TAFA5: variants seen among roughly 807,000 people sequenced by gnomAD.
The protein encoded by TAFA5 is TAFA chemokine like family member 5.
In TAFA5, 6 loss-of-function variants were observed where a neutral mutation model predicts 15.3. That is an observed-to-expected ratio of 0.39 (90% CI 0.21 to 0.77). The LOEUF is 0.77. TAFA5 is among the 30% of genes least tolerant of loss of function. The pLI is 0.41. For synonymous variants in TAFA5, 103 were observed against 80.7 expected (o/e 1.28, Z -1.48); for missense variants, 161 against 193.1 (o/e 0.83, Z 0.98).
intron 3 of TAFA5, among the ~76,000 whole-genome samples, chr22:48,732,297 C>A (rs993244046): frequency 1.4e-4 from 21 of 152,200 alleles, no homozygotes; most frequent in African/African-American, 5.1e-4. Flanking sequence ...GTCACCCAGG[C>A]TGGAGTGCAG....
chr22:48,695,517 G>A (rs1045091490), intron 2 of TAFA5, among the ~76,000 whole-genome samples: 1 of 152,172 alleles, frequency 6.6e-6, no homozygotes, highest in Admixed American at 6.5e-5. Flanking sequence ...TCGGGGCTTG[G>A]GTGTTGAGCT....
intron 2 of TAFA5, among the ~76,000 whole-genome samples, chr22:48,704,223 C>T (rs114209767): frequency 0.012 from 1,796 of 150,194 alleles, 26 homozygotes; most frequent in African/African-American, 0.028. Context: ...CACACACACA[C>T]GATGCTTTCT....
intron 1 of TAFA5, among the ~76,000 whole-genome samples, chr22:48,618,216 C>G (rs1311467381): frequency 6.6e-6 from 1 of 152,150 alleles, no homozygotes; most frequent in Non-Finnish European, 1.5e-5. Flanking sequence ...CTGGAAGTCT[C>G]TACACCTGCC....
intron 1 of TAFA5, among the ~76,000 whole-genome samples, chr22:48,531,955 C>T (rs565540046): frequency 3.3e-5 from 5 of 152,198 alleles, no homozygotes; most frequent in Admixed American, 2.0e-4. Flanking sequence ...CAGCACATGC[C>T]GGCACAGCTG....
chr22:48,666,906 T>C (rs1927636272), intron 2 of TAFA5, among the ~76,000 whole-genome samples: 1 of 152,042 alleles, frequency 6.6e-6, no homozygotes, highest in Non-Finnish European at 1.5e-5. Context: ...CCCATGGTGC[T>C]GAGTGGTTGG....
intron 1 of TAFA5, among the ~76,000 whole-genome samples, chr22:48,557,690 G>A (rs945120298): frequency 3.9e-5 from 6 of 152,218 alleles, no homozygotes; most frequent in Admixed American, 6.5e-5. Flanking sequence ...ACTCGCAGGT[G>A]GGAGGGCACC....
intron 3 of TAFA5, among the ~76,000 whole-genome samples, chr22:48,725,980 T>C (rs1364763895): frequency 6.6e-6 from 1 of 152,172 alleles, no homozygotes; most frequent in Admixed American, 6.5e-5. Flanking sequence ...TGGTGATATC[T>C]TTGAATTTCA....
At chr22:48,572,191 T>C (rs1923614842) in intron 1 of TAFA5, among the ~76,000 whole-genome samples, 1 of 152,258 alleles carries the variant, frequency 6.6e-6, no homozygotes, top group Non-Finnish European at 1.5e-5. Flanking sequence ...GCCTCTAGCT[T>C]TCTGCAAACA....
chr22:48,631,088 C>T (rs2075531588), intron 1 of TAFA5, among the ~76,000 whole-genome samples: 1 of 152,202 alleles, frequency 6.6e-6, no homozygotes, highest in South Asian at 2.1e-4. Flanking sequence ...TAAGGACGGA[C>T]CTCCTGGGCC....
At chr22:48,614,229 T>C (rs1439758935) in intron 1 of TAFA5, among the ~76,000 whole-genome samples, 1 of 152,114 alleles carries the variant, frequency 6.6e-6, no homozygotes, top group Non-Finnish European at 1.5e-5. Context: ...AACTCTTCAT[T>C]GTGAAAATTG....
chr22:48,703,799 G>A (rs796068580), intron 2 of TAFA5, among the ~76,000 whole-genome samples: 61 of 152,326 alleles, frequency 4.0e-4, no homozygotes, highest in African/African-American at 1.3e-3. Context: ...ACCTGCCCTC[G>A]GACACCACCC....
intron 2 of TAFA5, among the ~76,000 whole-genome samples, chr22:48,706,569 C>A (rs868519743): frequency 4.6e-5 from 7 of 152,190 alleles, no homozygotes; most frequent in Admixed American, 2.0e-4. Context: ...GCAAAGTTCT[C>A]CCTAATCTCC....
intron 1 of TAFA5, among the ~76,000 whole-genome samples, chr22:48,529,940 C>G (rs891397024): frequency 6.6e-5 from 10 of 152,074 alleles, no homozygotes; most frequent in Non-Finnish European, 1.3e-4. Flanking sequence ...TGGGACAACC[C>G]TTCTCCCTTC....
At chr22:48,670,342 C>T (rs981054914) in intron 2 of TAFA5, among the ~76,000 whole-genome samples, 1 of 152,228 alleles carries the variant, frequency 6.6e-6, no homozygotes, top group Non-Finnish European at 1.5e-5. Flanking sequence ...GGGTTTGGAA[C>T]GTTCTTTTTA....
intron 1 of TAFA5, among the ~76,000 whole-genome samples, chr22:48,625,657 C>A (rs1926003469): frequency 6.6e-6 from 1 of 152,204 alleles, no homozygotes; most frequent in African/African-American, 2.4e-5. Context: ...CACAGATGCT[C>A]CTAACGCCAG....
At chr22:48,735,920 C>T (rs1413134181) in intron 3 of TAFA5, among the ~76,000 whole-genome samples, 2 of 148,594 alleles carry the variant, frequency 1.3e-5, no homozygotes, top group Admixed American at 6.7e-5. Flanking sequence ...GTCCATCCCC[C>T]CAGGAGGAAT....
rs374845084 is a variant in TAFA5, at chr22:48,584,202, A to G, written c.113-62395A>G. Among the ~76,000 whole-genome samples the G allele has an allele frequency of 2.1e-4, 31 of 148,150 alleles. No individual in the cohort carries two copies. The East Asian group carries it at 3.1e-3, about 15-fold the overall frequency. ...ACACCACTCACCACACAAAATACAC[A>G]ACACACAAAATACACCACATACACC... is the stretch of plus-strand genomic sequence containing the variant. On this transcript the variant is annotated intron_variant, in intron 1 of 3. Transcript: ENST00000402357.
chr22:48,703,012 C>A (rs577924920), intron 2 of TAFA5, among the ~76,000 whole-genome samples: 1 of 152,336 alleles, frequency 6.6e-6, no homozygotes, highest in South Asian at 2.1e-4. Flanking sequence ...TGAGAGCAGG[C>A]GAGAGTGTAC....
intron 1 of TAFA5, among the ~76,000 whole-genome samples, chr22:48,585,984 C>T (rs779046944): frequency 6.6e-6 from 1 of 152,258 alleles, no homozygotes; most frequent in South Asian, 2.1e-4. Flanking sequence ...ACCCCGTGGG[C>T]CCAGCCTGGC....
Sources: allele counts gnomAD v4.1 joint callset (sites outside exome capture counted in the v4.1 genomes callset), GRCh38; gene constraint gnomAD v4.1.1; transcripts MANE v1.5; gene names NCBI Gene and HGNC (gene_info 2026-07-23, HGNC 2026-07-21).